Variants in CCDC83 observed in about 807,000 individuals in gnomAD.
The protein encoded by CCDC83 is coiled-coil domain containing 83.
A neutral mutation model predicts 50.1 loss-of-function variants in CCDC83; 54 were observed. That is an observed-to-expected ratio of 1.08 (90% CI 0.87 to 1.35). The LOEUF is 1.35. Among genes scored for constraint, CCDC83 ranks in the 40% most tolerant of loss-of-function variants. The pLI is 0.00. For missense variants in CCDC83, 518 were observed against 473.9 expected, an observed-to-expected ratio of 1.09 and a Z score of -0.86; for synonymous variants, 161 against 153.3, an observed-to-expected ratio of 1.05 and a Z score of -0.37.
intron 5 of CCDC83, among the ~76,000 whole-genome samples, chr11:85,887,428 G>T (rs577692679): frequency 8.5e-5 from 13 of 152,282 alleles, no homozygotes; most frequent in Non-Finnish European, 1.2e-4. Context: ...CCCTATCAGG[G>T]CTCTCTGCTT....
chr11:85,868,403 C>T (rs2093219620), intron 2 of CCDC83, among the ~76,000 whole-genome samples: 1 of 152,176 alleles, frequency 6.6e-6, no homozygotes, highest in African/African-American at 2.4e-5. Flanking sequence ...AGACAAGAGT[C>T]TCACTCTGTC....
At chr11:85,905,205 G>A (rs1436259797) in intron 7 of CCDC83, among the ~76,000 whole-genome samples, 1 of 152,084 alleles carries the variant, frequency 6.6e-6, no homozygotes, top group Non-Finnish European at 1.5e-5. Flanking sequence ...CACTTTGGGA[G>A]GCTGAGGTGA....
Position 85,886,254 on chromosome 11 carries a change from A to T in CCDC83, c.398A>T (p.Glu133Val). 1 of 1,603,586 alleles carries T rather than the reference A, an allele frequency of 6.2e-7. No individual in the cohort carries two copies. Among genetic ancestry groups the T allele is most frequent in the Non-Finnish European group, 8.5e-7 (1 of 1,176,534 alleles). Residue 133 changes from glutamate to valine, a missense_variant, in exon 5 of 11, where the codon GAA becomes GTA. By Grantham distance (121) the Glu-to-Val change is moderately radical. Transcript: ENST00000342404. ...AEKLFLEKLS[E>V]KEYWEEYKNV... ...AAACTATTTCTTGAGAAACTCAGTG[A>T]AAAGGAATATTGGGAGGAGTACAAG... is the stretch of plus-strand genomic sequence containing the variant.
chr11:85,873,133 A>T (rs889898836), intron 2 of CCDC83, 78 bp from the exon 3 acceptor site: 2 of 654,496 alleles, frequency 3.1e-6, no homozygotes, highest in Non-Finnish European at 4.9e-6. Flanking sequence ...TTAATAATTC[A>T]CTTCAAATAC....
At chr11:85,885,998 T>C (rs1311477573) in intron 4 of CCDC83, among the ~76,000 whole-genome samples, 1 of 152,216 alleles carries the variant, frequency 6.6e-6, no homozygotes, top group Non-Finnish European at 1.5e-5. Context: ...TAGTCAGAAG[T>C]TTAATTTTGC....
chr11:85,903,550 G>A (rs1020621949), intron 7 of CCDC83, among the ~76,000 whole-genome samples: 5 of 151,522 alleles, frequency 3.3e-5, no homozygotes, highest in African/African-American at 1.2e-4. Context: ...TGATCCACCC[G>A]CCTCGGCCTC....
At chr11:85,883,976 C>A (rs949176714) in intron 4 of CCDC83, among the ~76,000 whole-genome samples, 1 of 152,180 alleles carries the variant, frequency 6.6e-6, no homozygotes, top group African/African-American at 2.4e-5. Context: ...TTTTGCATGA[C>A]TTCTTTCCAA....
chr11:85,876,290 A>G (rs1423703624), intron 3 of CCDC83, among the ~76,000 whole-genome samples: 1 of 152,172 alleles, frequency 6.6e-6, no homozygotes, highest in Non-Finnish European at 1.5e-5. Flanking sequence ...TTTCATATCT[A>G]TATTTGATAA....
intron 3 of CCDC83, among the ~76,000 whole-genome samples, chr11:85,881,242 G>A (rs1336359776): frequency 6.6e-6 from 1 of 151,920 alleles, no homozygotes; most frequent in East Asian, 1.9e-4. Context: ...GTATGGTGGT[G>A]GGCGTCTATA....
chr11:85,912,607 T>G, intron 8 of CCDC83: 1 of 1,176,022 alleles, frequency 8.5e-7, no homozygotes. Context: ...TGTTGCCCAG[T>G]AGGCAATGCT....
chr11:85,898,888 T>C, intron 6 of CCDC83, 59 bp from the exon 7 acceptor site: 1 of 1,117,952 alleles, frequency 8.9e-7, no homozygotes, highest in East Asian at 2.3e-5. Context: ...ACATCACTAT[T>C]GCTAAAATTG....
intron 1 of CCDC83, among the ~76,000 whole-genome samples, chr11:85,858,297 T>A (rs980508495): frequency 6.6e-6 from 1 of 152,154 alleles, no homozygotes; most frequent in African/African-American, 2.4e-5. Context: ...GAATGTGAAA[T>A]TGACCAAGCT....
intron 1 of CCDC83, among the ~76,000 whole-genome samples, chr11:85,857,382 C>T (rs34896037): frequency 0.21 from 32,541 of 152,112 alleles, 3,761 homozygotes; most frequent in South Asian, 0.3. Flanking sequence ...TCCAGTTGTA[C>T]GCCTGGAAGG....
At chr11:85,868,704 G>T (rs943634932) in intron 2 of CCDC83, among the ~76,000 whole-genome samples, 1 of 152,094 alleles carries the variant, frequency 6.6e-6, no homozygotes, top group East Asian at 1.9e-4. Context: ...TAGAGACAGG[G>T]TCTCCCTATG....
chr11:85,895,809 C>T (rs2093371810), intron 6 of CCDC83, among the ~76,000 whole-genome samples: 1 of 152,010 alleles, frequency 6.6e-6, no homozygotes, highest in African/African-American at 2.4e-5. Flanking sequence ...AGCAACAGCT[C>T]AGTGAATTTT....
chr11:85,866,809 T>C (rs2093210072), intron 2 of CCDC83, among the ~76,000 whole-genome samples: 1 of 152,118 alleles, frequency 6.6e-6, no homozygotes, highest in Non-Finnish European at 1.5e-5. Context: ...AGCTGATTTC[T>C]GGAAAAGGAA....
At chr11:85,891,629 T>G (rs1263976423) in intron 5 of CCDC83, among the ~76,000 whole-genome samples, 1 of 152,174 alleles carries the variant, frequency 6.6e-6, no homozygotes, top group Non-Finnish European at 1.5e-5. Context: ...TTAAATTAGG[T>G]TCAAGACTCC....
intron 6 of CCDC83, among the ~76,000 whole-genome samples, chr11:85,895,981 T>G (rs2093373003): frequency 6.6e-6 from 1 of 152,172 alleles, no homozygotes; most frequent in Non-Finnish European, 1.5e-5. Flanking sequence ...TCTTGGCTAA[T>G]CAGTGAATTA....
chr11:85,862,639 C>T (rs139415932), intron 1 of CCDC83, among the ~76,000 whole-genome samples: 8 of 152,050 alleles, frequency 5.3e-5, no homozygotes, highest in Non-Finnish European at 2.9e-5. Flanking sequence ...CTAAGTGTAA[C>T]CTTCCTGGAA....
Sources: allele counts gnomAD v4.1 joint callset (sites outside exome capture counted in the v4.1 genomes callset), GRCh38; gene constraint gnomAD v4.1.1; transcripts MANE v1.5; gene names NCBI Gene and HGNC (gene_info 2026-07-23, HGNC 2026-07-21).